Variants in JADE2 observed in about 807,000 individuals in gnomAD.
JADE2 encodes jade family PHD finger 2.
A neutral mutation model predicts 85.7 loss-of-function variants in JADE2; 13 were observed. That is an observed-to-expected ratio of 0.15 (90% CI 0.10 to 0.24). The LOEUF (loss-of-function observed/expected upper bound fraction) is 0.24. Among genes scored for constraint, JADE2 ranks in the 10% least tolerant of loss-of-function variants. JADE2 has a pLI of 1.00. For synonymous variants in JADE2, 440 were observed against 456.1 expected (o/e 0.96, Z 0.45); for missense variants, 846 against 1,115.9 (o/e 0.76, Z 3.45).
chr5:134,526,928 G>T (rs933420825), intron 1 of JADE2, among the ~76,000 whole-genome samples: 2 of 152,106 alleles, frequency 1.3e-5, no homozygotes, highest in African/African-American at 4.8e-5. Flanking sequence ...CGACGGCAGG[G>T]GGCGTGGCCC....
rs1032538981 is a variant in JADE2, at chr5:134,566,063, C to T, written c.970-53C>T. On this transcript the variant is annotated intron_variant, in intron 8 of 11. Coordinates refer to ENST00000681547, the MANE Select transcript of JADE2 (RefSeq NM_001388185.1). The surrounding 1 kb of genome is among the most constrained non-coding windows in gnomAD (Gnocchi z 6.7). Reference sequence around the variant, plus strand: ...CCTGGGGGAAGCCCCTCTGTCTTCTCCCCTCCCACCAGGCTCCCTCCATGT... The same window carrying T: ...CCTGGGGGAAGCCCCTCTGTCTTCTTCCCTCCCACCAGGCTCCCTCCATGT... 2 of 1,489,904 alleles carry T rather than the reference C, an allele frequency of 1.3e-6. No homozygotes were observed. The highest frequency in any genetic ancestry group is 1.8e-6 in the Non-Finnish European group (2 of 1,082,184). The allele number at this position is 1,489,904 out of a possible 1,614,324, so 92.3% of individuals were successfully genotyped here. A position where few individuals can be genotyped will look rare whatever the true frequency, so the allele number is the denominator to read the frequency against.
At chr5:134,570,634 C>T (rs779068395) in intron 9 of JADE2, among the ~76,000 whole-genome samples, 5 of 152,202 alleles carry the variant, frequency 3.3e-5, no homozygotes, top group Non-Finnish European at 5.9e-5. Context: ...CTCCATCCCC[C>T]GATCCTCTCA....
At position 134,525,827 on chromosome 5, in the gene JADE2, G is replaced by C. The variant is rs1333848813; in HGVS notation, c.-185G>C. On this transcript the variant is annotated 5_prime_UTR_variant, in exon 1 of 12. Coordinates refer to ENST00000681547, the MANE Select transcript of JADE2 (RefSeq NM_001388185.1). ...GCGGGCCGACCGTCCCCGGCGGGGG[G>C]CGTGGGGCCTGGGACGCCGCGGGCC... 1 of 1,011,812 alleles carries C rather than the reference G, an allele frequency of 9.9e-7. No homozygotes were observed. The highest frequency in any genetic ancestry group is 1.2e-6 in the Non-Finnish European group (1 of 844,748). The allele number at this position is 1,011,812 out of a possible 1,614,324, so 62.7% of individuals were successfully genotyped here. A position where few individuals can be genotyped will look rare whatever the true frequency, so the allele number is the denominator to read the frequency against.
rs1221766277 is a variant in JADE2, at chr5:134,578,952, C to T, written c.2140C>T (p.Pro714Ser). 4 of 1,613,268 alleles carry T rather than the reference C, an allele frequency of 2.5e-6. No homozygotes were observed. The highest frequency in any genetic ancestry group is 3.4e-6 in the Non-Finnish European group (4 of 1,179,872). The change falls in exon 12 of 12, where the codon CCT becomes TCT. Residue 714 changes from proline to serine, a missense_variant. By Grantham distance (74) the Pro-to-Ser change is moderately conservative. Around this residue, in one of 9 missense-constraint regions of JADE2, gnomAD observed 300 missense variants for 300.7 expected, o/e 1.00. Coordinates refer to ENST00000681547, the MANE Select transcript of JADE2 (RefSeq NM_001388185.1). The surrounding 1 kb of genome is among the most constrained non-coding windows in gnomAD (Gnocchi z 4.4). ...CGGGGACTGTCCCATCCTAGCCACC[C>T]CTGAAAGCCCCCCGCCACTGGCCCC... is the stretch of plus-strand genomic sequence containing the variant. ...AAGDCPILAT[P>S]ESPPPLAPET...
chr5:134,537,199 C>T (rs1761648275), intron 2 of JADE2, among the ~76,000 whole-genome samples: 2 of 152,198 alleles, frequency 1.3e-5, no homozygotes, highest in African/African-American at 4.8e-5. Context: ...CCACCAGCCC[C>T]CTCCACTGTG....
intron 4 of JADE2, among the ~76,000 whole-genome samples, chr5:134,553,638 C>T (rs1192808859): frequency 6.6e-6 from 1 of 152,242 alleles, no homozygotes; most frequent in Non-Finnish European, 1.5e-5. Flanking sequence ...AGGCGTGAGC[C>T]ACTGCGCCCG....
At chr5:134,543,519 T>A (rs1458960056) in intron 3 of JADE2, among the ~76,000 whole-genome samples, 2 of 151,404 alleles carry the variant, frequency 1.3e-5, no homozygotes, top group Non-Finnish European at 1.5e-5. Context: ...CTAAAAAAAA[T>A]TTTAAAAATT....
intron 4 of JADE2, among the ~76,000 whole-genome samples, chr5:134,552,910 C>G (rs1388457399): frequency 6.6e-6 from 1 of 150,646 alleles, no homozygotes; most frequent in Non-Finnish European, 1.5e-5. Context: ...TGGGCTCAAG[C>G]GATCTGTCCA....
rs1224156061 is a variant in JADE2, at chr5:134,562,409, T to C, written c.852+42T>C. 1 of 1,561,566 alleles carries C rather than the reference T, an allele frequency of 6.4e-7. No homozygotes were observed. The highest frequency in any genetic ancestry group is 1.4e-5 in the African/African-American group (1 of 73,802). On this transcript the variant is annotated intron_variant, in intron 7 of 11. Transcript: ENST00000681547. This position sits in a 1 kb window ranked among gnomAD's most constrained non-coding sequence, Gnocchi z 4.6. ...GTGAGGCAGCCCAAGGAATAGCCCG[T>C]GGGGAAGTGGGTCTGCATGGGACTC...
intron 11 of JADE2, among the ~76,000 whole-genome samples, chr5:134,577,962 C>T (rs1764486453): frequency 6.6e-6 from 1 of 152,198 alleles, no homozygotes; most frequent in Non-Finnish European, 1.5e-5. Context: ...AGACTGAGCG[C>T]CCTCTGGCGG....
chr5:134,533,314 A>G (rs572960240), intron 1 of JADE2, among the ~76,000 whole-genome samples: 1 of 152,172 alleles, frequency 6.6e-6, no homozygotes, highest in South Asian at 2.1e-4. Context: ...TGGCCCACAG[A>G]TGTGTTTAGT....
intron 9 of JADE2, among the ~76,000 whole-genome samples, chr5:134,572,517 A>G (rs1377733804): frequency 6.6e-6 from 1 of 152,248 alleles, no homozygotes; most frequent in Non-Finnish European, 1.5e-5. Context: ...GCTTAAGGAC[A>G]TGAAGGCTGA....
rs1760768857 is a variant in JADE2, at chr5:134,525,785, G to GCA, written c.-225_-224dup. ...AGTTACTTTGCGCCCACTCCTAGCG[G>GCA]CACCGGCTTAGGTCCTGCGGGCCGA... On this transcript the variant is annotated 5_prime_UTR_variant, in exon 1 of 12. It removes the in-frame stop codon of an upstream open reading frame in the 5' UTR. Coordinates refer to ENST00000681547, the MANE Select transcript of JADE2 (RefSeq NM_001388185.1). The GCA allele has an allele frequency of 8.8e-7, 1 of 1,135,904 alleles. No individual in the cohort carries two copies. Among genetic ancestry groups the GCA allele is most frequent in the Non-Finnish European group, 1.1e-6 (1 of 917,142 alleles). The allele number at this position is 1,135,904 out of a possible 1,614,324, so 70.4% of individuals were successfully genotyped here. A position where few individuals can be genotyped will look rare whatever the true frequency, so the allele number is the denominator to read the frequency against.
At chr5:134,546,223 C>T (rs912117918) in intron 3 of JADE2, among the ~76,000 whole-genome samples, 1 of 152,044 alleles carries the variant, frequency 6.6e-6, no homozygotes, top group Non-Finnish European at 1.5e-5. Context: ...GGCTGGAGTG[C>T]AGTGGCATGA....
chr5:134,525,269 TGTGTGTGA>T (rs1760727070), upstream of JADE2, among the ~76,000 whole-genome samples: 1 of 150,458 alleles, frequency 6.6e-6, no homozygotes, highest in Non-Finnish European at 1.5e-5. Context: ...GGGCGGGGTA[TGTGTGTGA>T]GTGTGTGAAG....
intron 4 of JADE2, among the ~76,000 whole-genome samples, chr5:134,552,601 C>T (rs1187612733): frequency 2.0e-5 from 3 of 152,216 alleles, no homozygotes; most frequent in Non-Finnish European, 4.4e-5. Flanking sequence ...AGGCACTTGG[C>T]ACCAGGCCTG....
At chr5:134,572,224 T>C (rs936138251) in intron 9 of JADE2, among the ~76,000 whole-genome samples, 2 of 152,096 alleles carry the variant, frequency 1.3e-5, no homozygotes, top group African/African-American at 2.4e-5. Flanking sequence ...GTACTGGCCA[T>C]AGGGATAGGC....
chr5:134,531,883 C>CTTTTTTTTTT lies in JADE2; in HGVS notation c.1-3954_1-3945dup, dbSNP rs1160758941. 2.2e-3 allele frequency among the ~76,000 whole-genome samples: 84 copies of CTTTTTTTTTT among 38,480 alleles called. 14 individuals are homozygous for CTTTTTTTTTT. Among genetic ancestry groups the CTTTTTTTTTT allele is most frequent in the East Asian group, 4.3e-3 (4 of 924 alleles). 25.2% of individuals were successfully genotyped at this position (38,480 alleles called of 152,430 possible). A position where few individuals can be genotyped will look rare whatever the true frequency, so the allele number is the denominator to read the frequency against. On this transcript the variant is annotated intron_variant, in intron 1 of 11. Coordinates refer to ENST00000681547, the MANE Select transcript of JADE2 (RefSeq NM_001388185.1). ...TATAAGGATGAGCCACCGTGCCTGG[C>CTTTTTTTTTT]TTTTTTTTTTTTTTTTTTTTTTTTT...
At chr5:134,547,260 T>C (rs551458502) in intron 3 of JADE2, among the ~76,000 whole-genome samples, 9 of 152,326 alleles carry the variant, frequency 5.9e-5, no homozygotes, top group African/African-American at 2.2e-4. Flanking sequence ...CAGGGCTGCA[T>C]TGGCACCCCT....
Sources: gnomAD v4.1 joint callset for allele counts (sites outside exome capture counted in the v4.1 genomes callset) on GRCh38, gnomAD v4.1.1 for gene constraint, gnomAD v4.1.1 regional missense constraint, Gnocchi (gnomAD v3.1) non-coding constraint, MANE v1.5 for transcripts, NCBI Gene and HGNC (gene_info 2026-07-23, HGNC 2026-07-21) for gene names.